ASB3: variants seen among roughly 807,000 people sequenced by gnomAD.
The protein encoded by ASB3 is ankyrin repeat and SOCS box containing 3, also known as ankyrin repeat and SOCS box protein 3.
A neutral mutation model predicts 54.5 loss-of-function variants in ASB3; 41 were observed. The ratio of observed to expected loss-of-function variants is 0.75; its 90% CI spans 0.59 to 0.98. The LOEUF is 0.98. Among genes scored for constraint, ASB3 ranks in the 50% least tolerant of loss-of-function variants. The pLI is 0.00. For missense variants in ASB3, 733 were observed against 620.0 expected (o/e 1.18, Z -1.94); for synonymous variants, 266 against 221.2 (o/e 1.20, Z -1.80).
At chr2:53,681,054 A>G (rs1227789705) in intron 9 of ASB3, among the ~76,000 whole-genome samples, 2 of 152,230 alleles carry the variant, frequency 1.3e-5, no homozygotes, top group Non-Finnish European at 2.9e-5. Flanking sequence ...GTTGCAAATG[A>G]CAGGCTCTCA....
intron 5 of ASB3, among the ~76,000 whole-genome samples, chr2:53,720,273 T>C (rs1670627805): frequency 6.6e-6 from 1 of 152,120 alleles, no homozygotes. Context: ...GTCTCATGTA[T>C]AAAACGTATA....
chr2:53,738,217 A>G (rs1482581930), intron 3 of ASB3, among the ~76,000 whole-genome samples: 1 of 152,182 alleles, frequency 6.6e-6, no homozygotes, highest in Non-Finnish European at 1.5e-5. Flanking sequence ...GATAAGCAAA[A>G]CTAGTTGGCT....
intron 7 of ASB3, 46 bp downstream of exon 7, chr2:53,714,338 T>C (rs769797701): frequency 1.1e-5 from 18 of 1,600,442 alleles, no homozygotes; most frequent in East Asian, 2.2e-5. Flanking sequence ...CACATCTCCA[T>C]ACAGCAAAAA....
At chr2:53,736,982 T>C (rs1447590715) in intron 3 of ASB3, among the ~76,000 whole-genome samples, 1 of 152,134 alleles carries the variant, frequency 6.6e-6, no homozygotes, top group East Asian at 1.9e-4. Flanking sequence ...AGACTCTGTC[T>C]CAAAAAAGAA....
At chr2:53,782,389 T>C (rs79404875) in intron 1 of ASB3, among the ~76,000 whole-genome samples, 7 of 152,196 alleles carry the variant, frequency 4.6e-5, no homozygotes, top group South Asian at 2.1e-4. Flanking sequence ...GAGAAGGCTA[T>C]AGCAATGTAG....
Position 53,700,251 on chromosome 2 carries a change from ACTATGGTAGAATTT to A in ASB3, c.1238+6_1238+19del, listed in dbSNP as rs774319848. On this transcript the variant is annotated splice_donor_region_variant and intron_variant, in intron 8 of 9. Transcript: ENST00000263634. ...TATTCACTCAAAAAGGGTAAGCCCG[ACTATGGTAGAATTT>A]CTTACCAAGAATTGCACAGTAGAAT... is the stretch of plus-strand genomic sequence containing the variant. 3 of 1,606,588 alleles carry A rather than the reference ACTATGGTAGAATTT, an allele frequency of 1.9e-6. No individual in the cohort carries two copies. In the South Asian group the frequency reaches 3.3e-5, roughly 18 times the overall value.
chr2:53,742,711 T>A (rs1355816897), intron 3 of ASB3, among the ~76,000 whole-genome samples: 1 of 148,774 alleles, frequency 6.7e-6, no homozygotes, highest in African/African-American at 2.5e-5. Context: ...GAATAGACAT[T>A]TCTGAAGAGG....
intron 9 of ASB3, among the ~76,000 whole-genome samples, chr2:53,687,885 G>T (rs998559796): frequency 2.0e-5 from 3 of 152,040 alleles, no homozygotes; most frequent in Non-Finnish European, 4.4e-5. Flanking sequence ...GCATGAACAC[G>T]GCTCACTGCA....
chr2:53,752,317 G>A (rs908450428), intron 2 of ASB3, among the ~76,000 whole-genome samples: 1 of 152,122 alleles, frequency 6.6e-6, no homozygotes, highest in Non-Finnish European at 1.5e-5. Flanking sequence ...GACAAATTAG[G>A]CATGTGGACA....
intron 5 of ASB3, among the ~76,000 whole-genome samples, chr2:53,727,994 G>A (rs1671102387): frequency 6.6e-6 from 1 of 151,992 alleles, no homozygotes; most frequent in South Asian, 2.1e-4. Context: ...CCAAAGTGCT[G>A]GGATTACAGG....
chr2:53,719,333 G>C (rs1159225704), intron 5 of ASB3, among the ~76,000 whole-genome samples: 2 of 152,220 alleles, frequency 1.3e-5, no homozygotes, highest in Admixed American at 6.5e-5. Flanking sequence ...AAGTATGACA[G>C]AGCAGGAGTA....
chr2:53,673,268 C>G (rs560374181), intron 9 of ASB3, among the ~76,000 whole-genome samples: 2 of 152,282 alleles, frequency 1.3e-5, no homozygotes, highest in African/African-American at 4.8e-5. Flanking sequence ...TGAATACTTA[C>G]TACACAACCA....
chr2:53,747,810 G>T (rs1020241606), intron 3 of ASB3, among the ~76,000 whole-genome samples: 1 of 152,156 alleles, frequency 6.6e-6, no homozygotes, highest in Non-Finnish European at 1.5e-5. Context: ...AAAAGAGAAT[G>T]CATAAAGAGA....
intron 9 of ASB3, among the ~76,000 whole-genome samples, chr2:53,684,428 T>G (rs1668532947): frequency 6.6e-6 from 1 of 152,226 alleles, no homozygotes; most frequent in East Asian, 1.9e-4. Context: ...TCCTAATTCA[T>G]GAATAAAGGA....
intron 4 of ASB3, among the ~76,000 whole-genome samples, 160 bp from the exon 5 acceptor site, chr2:53,729,007 G>A (rs576818853): frequency 2.6e-5 from 4 of 151,604 alleles, no homozygotes; most frequent in African/African-American, 9.7e-5. Context: ...GAAAGAAATT[G>A]GCCAAACGAT....
At chr2:53,770,557 C>G (rs1673832058) in intron 1 of ASB3, among the ~76,000 whole-genome samples, 1 of 147,598 alleles carries the variant, frequency 6.8e-6, no homozygotes, top group African/African-American at 2.5e-5. Flanking sequence ...ACCTTTGTGC[C>G]TTAAATTATG....
rs190088458 is a variant in ASB3 at position 53,734,060 on chromosome 2, C to T, written c.356-4490G>A. On this transcript the variant is annotated intron_variant, in intron 3 of 9. Coordinates refer to ENST00000263634, the MANE Select transcript of ASB3 (RefSeq NM_016115.5). ...TTAAGAACACCTTTAAGCAGTTTTC[C>T]GCCCTGGGTGGGCCAGGTGTCCCTT... 4.1e-4 allele frequency among the ~76,000 whole-genome samples: 63 copies of T among 152,332 alleles called. 1 individual carries two copies. The highest frequency in any genetic ancestry group is 1.2e-3 in the Admixed American group (19 of 15,304).
In ASB3 at chr2:53,707,964, A is replaced by G. The variant is rs1257713337; in HGVS notation, c.980+6420T>C. ...GTGATAGAGTCAGACTCTGTCTCAA[A>G]AAAAAAAAAAAAAGAAAGAAAGAAA... On this transcript the variant is annotated intron_variant, in intron 7 of 9. Transcript: ENST00000263634. Among the ~76,000 whole-genome samples, 3 of 145,436 alleles carry G rather than the reference A, an allele frequency of 2.1e-5. No homozygotes were observed. The East Asian group carries it at 5.9e-4, about 28-fold the overall frequency.
intron 1 of ASB3, among the ~76,000 whole-genome samples, chr2:53,768,879 T>G (rs1430854630): frequency 1.3e-5 from 2 of 152,224 alleles, no homozygotes; most frequent in African/African-American, 4.8e-5. Context: ...TTGAGGTAAC[T>G]AATAATTTGG....
Sources: allele counts gnomAD v4.1 joint callset (sites outside exome capture counted in the v4.1 genomes callset), GRCh38; gene constraint gnomAD v4.1.1; transcripts MANE v1.5; gene names NCBI Gene and HGNC (gene_info 2026-07-23, HGNC 2026-07-21).